The following CSMD1 variants were observed in gnomAD, a reference collection of about 807,000 sequenced individuals.
The protein encoded by CSMD1 is CUB and Sushi multiple domains 1.
A neutral mutation model predicts 417.5 loss-of-function variants in CSMD1; 213 were observed. The observed-to-expected ratio is 0.51, with a 90% CI of 0.46 to 0.57. The LOEUF (loss-of-function observed/expected upper bound fraction) is 0.57. Among genes scored for constraint, CSMD1 ranks in the 20% least tolerant of loss-of-function variants. The probability of loss-of-function intolerance (pLI) is 0.00; values close to 1 mark genes in which losing one functional copy is unlikely to be tolerated. For missense variants in CSMD1, 6,923 were observed against 4,529.7 expected, an observed-to-expected ratio of 1.53 and a Z score of -15.17; for synonymous variants, 2,862 against 1,736.8, an observed-to-expected ratio of 1.65 and a Z score of -16.11.
intron 3 of CSMD1, among the ~76,000 whole-genome samples, chr8:4,285,238 C>T (rs766955713): frequency 7.2e-5 from 11 of 152,196 alleles, no homozygotes; most frequent in Admixed American, 2.0e-4. Context: ...CCGGTTTCAT[C>T]ATACAGCAGG....
chr8:3,316,784 T>G (rs896099431), intron 23 of CSMD1, among the ~76,000 whole-genome samples: 7 of 151,998 alleles, frequency 4.6e-5, no homozygotes, highest in Non-Finnish European at 1.0e-4. Flanking sequence ...GGAGACCAAC[T>G]CAGCGTGCAG....
chr8:3,885,803 A>C (rs185215067), intron 5 of CSMD1, among the ~76,000 whole-genome samples: 61 of 152,286 alleles, frequency 4.0e-4, no homozygotes, highest in Admixed American at 3.6e-3. Context: ...TTTCTTAAAC[A>C]ATCAGTTCTA....
chr8:3,051,694 T>C (rs572574849), intron 50 of CSMD1, among the ~76,000 whole-genome samples: 1 of 152,332 alleles, frequency 6.6e-6, no homozygotes, highest in African/African-American at 2.4e-5. Context: ...TAAAAATTCA[T>C]TGTCTATACA....
intron 3 of CSMD1, among the ~76,000 whole-genome samples, chr8:4,276,465 G>A (rs1362420814): frequency 6.6e-6 from 1 of 152,184 alleles, no homozygotes; most frequent in African/African-American, 2.4e-5. Context: ...CACACACCAG[G>A]GCCTGTCAGG....
chr8:3,880,631 A>G (rs578215938), intron 5 of CSMD1, among the ~76,000 whole-genome samples: 1 of 152,250 alleles, frequency 6.6e-6, no homozygotes, highest in African/African-American at 2.4e-5. Flanking sequence ...AATCTAGGAC[A>G]TACATGTTTC....
intron 8 of CSMD1, among the ~76,000 whole-genome samples, chr8:3,610,953 C>A (rs912443848): frequency 6.6e-6 from 1 of 151,530 alleles, no homozygotes; most frequent in Non-Finnish European, 1.5e-5. Context: ...GCAACAGCAC[C>A]AGGCAGTAGG....
intron 5 of CSMD1, among the ~76,000 whole-genome samples, chr8:3,868,977 C>A (rs1407819668): frequency 6.6e-6 from 1 of 152,192 alleles, no homozygotes; most frequent in Non-Finnish European, 1.5e-5. Flanking sequence ...AACTCTTCTG[C>A]TCAGATGATG....
intron 5 of CSMD1, among the ~76,000 whole-genome samples, chr8:3,813,328 G>C (rs572618586): frequency 1.6e-4 from 25 of 152,110 alleles, no homozygotes; most frequent in African/African-American, 5.5e-4. Context: ...CATATGATCT[G>C]TTATACTGCA....
At chr8:4,645,990 A>G (rs746117177) in intron 1 of CSMD1, among the ~76,000 whole-genome samples, 19 of 152,218 alleles carry the variant, frequency 1.2e-4, no homozygotes, top group Non-Finnish European at 2.2e-4. Flanking sequence ...ATCAAAAACA[A>G]CAAGCACTGT....
In CSMD1 at chr8:3,406,131, A is replaced by T; in HGVS notation, c.2162T>A (p.Phe721Tyr). ...DRFLLGSSVS[F>Y]HCDDGFVKTQ... is the part of the protein sequence containing the mutation. ...CTTGACAAAGCCATCATCACAGTGG[A>T]AAGAAACCGAGCTCCCGAGTAGAAA... Residue 721 changes from phenylalanine to tyrosine, a missense_variant, in exon 15 of 70, where the codon TTC becomes TAC. Physicochemically the swap from Phe to Tyr is conservative, Grantham distance 22. Transcript: ENST00000635120. 6.2e-7 allele frequency: 1 copy of T among 1,613,902 alleles called. No individual in the cohort carries two copies. Among genetic ancestry groups the T allele is most frequent in the Non-Finnish European group, 8.5e-7 (1 of 1,179,856 alleles).
intron 2 of CSMD1, among the ~76,000 whole-genome samples, chr8:4,539,647 T>C (rs1777278221): frequency 6.6e-6 from 1 of 152,208 alleles, no homozygotes; most frequent in Non-Finnish European, 1.5e-5. Flanking sequence ...CAAATTTAAA[T>C]GGTAAAATAA....
chr8:4,346,312 C>G (rs1414378556), intron 3 of CSMD1, among the ~76,000 whole-genome samples: 3 of 152,094 alleles, frequency 2.0e-5, no homozygotes, highest in African/African-American at 7.2e-5. Flanking sequence ...ATTTCAGTGA[C>G]CATAAATCCA....
At chr8:4,799,006 T>C (rs917654622) in intron 1 of CSMD1, among the ~76,000 whole-genome samples, 3 of 152,164 alleles carry the variant, frequency 2.0e-5, no homozygotes, top group African/African-American at 4.8e-5. Flanking sequence ...AACTCCTCCA[T>C]CCTCTGATAT....
At position 3,741,530 on chromosome 8, in the gene CSMD1, G is replaced by T. The variant is rs79349821; in HGVS notation, c.931+12400C>A. ...TCCTTTTGTTTTACAGTTTTTAGTAGGCACATTTATTTCTATCCATTTATG... is the reference window on the plus strand; with the variant it reads ...TCCTTTTGTTTTACAGTTTTTAGTATGCACATTTATTTCTATCCATTTATG... On this transcript the variant is annotated intron_variant, in intron 6 of 69. Coordinates refer to ENST00000635120, the MANE Select transcript of CSMD1 (RefSeq NM_033225.6). Among the ~76,000 whole-genome samples the T allele has an allele frequency of 7.9e-3, 1,196 of 152,222 alleles. 13 individuals carry two copies. The highest frequency in any genetic ancestry group is 0.034 in the Middle Eastern group (10 of 294).
intron 4 of CSMD1, among the ~76,000 whole-genome samples, chr8:4,007,573 G>A (rs767385977): frequency 6.6e-6 from 1 of 152,152 alleles, no homozygotes; most frequent in Non-Finnish European, 1.5e-5. Flanking sequence ...ACCTCTCGGT[G>A]CGTGCTGAGT....
At chr8:3,903,940 G>T (rs913069083) in intron 5 of CSMD1, among the ~76,000 whole-genome samples, 3 of 151,928 alleles carry the variant, frequency 2.0e-5, no homozygotes, top group South Asian at 2.1e-4. Context: ...TTCACTATTT[G>T]TTTCTCATTT....
At chr8:4,944,351 G>C (rs774974657) in intron 1 of CSMD1, among the ~76,000 whole-genome samples, 1 of 152,154 alleles carries the variant, frequency 6.6e-6, no homozygotes. Flanking sequence ...GTGAGTTTGG[G>C]TTTAAATTAT....
intron 12 of CSMD1, among the ~76,000 whole-genome samples, chr8:3,462,840 A>C (rs926447384): frequency 1.1e-4 from 17 of 152,154 alleles, no homozygotes; most frequent in African/African-American, 4.1e-4. Context: ...GTGTCCCTCC[A>C]AATTCCTAAG....
At chr8:4,054,124 C>G (rs995876896) in intron 3 of CSMD1, among the ~76,000 whole-genome samples, 2 of 152,134 alleles carry the variant, frequency 1.3e-5, no homozygotes, top group East Asian at 1.9e-4. Context: ...AGCAGCCATT[C>G]TCCACTTTTT....
Sources: allele counts gnomAD v4.1 joint callset (sites outside exome capture counted in the v4.1 genomes callset), GRCh38; gene constraint gnomAD v4.1.1; transcripts MANE v1.5; gene names NCBI Gene and HGNC (gene_info 2026-07-23, HGNC 2026-07-21).